DOCK11: variants seen among roughly 807,000 people sequenced by gnomAD.
The protein encoded by DOCK11 is dedicator of cytokinesis protein 11.
In DOCK11, 70 loss-of-function variants were observed where a neutral mutation model predicts 169.1. The observed-to-expected ratio is 0.41, with a 90% CI of 0.34 to 0.51. DOCK11 has a LOEUF of 0.51. DOCK11 is among the 20% of genes least tolerant of loss of function. The pLI is 0.10. For missense variants in DOCK11, 1,166 were observed against 1,538.8 expected (o/e 0.76, Z 4.05); for synonymous variants, 529 against 541.3 (o/e 0.98, Z 0.32).
intron 46 of DOCK11, among the ~76,000 whole-genome samples, chrX:118,673,518 A>G (rs2016536910): frequency 8.9e-6 from 1 of 111,855 alleles, no homozygotes; most frequent in South Asian, 3.7e-4. Flanking sequence ...TTTTCAGTGT[A>G]TCTCTATGGA....
chrX:118,656,178 C>G (rs982265722), intron 44 of DOCK11, among the ~76,000 whole-genome samples: 1 of 110,215 alleles, frequency 9.1e-6, no homozygotes, highest in African/African-American at 3.3e-5. Flanking sequence ...GTGGTTCCAG[C>G]TACGAAGGAG....
At chrX:118,601,562 A>G (rs1303853452) in intron 23 of DOCK11, among the ~76,000 whole-genome samples, 2 of 112,197 alleles carry the variant, frequency 1.8e-5, no homozygotes, top group African/African-American at 3.2e-5. Flanking sequence ...AAAAGTTTCA[A>G]TCAAGTGGAA....
At chrX:118,575,360 A>G (rs1053411921) in intron 12 of DOCK11, among the ~76,000 whole-genome samples, 16 of 112,388 alleles carry the variant, frequency 1.4e-4, no homozygotes, top group Non-Finnish European at 2.6e-4. Flanking sequence ...GGCTAACATG[A>G]CATTTCATTG....
At chrX:118,650,448 T>G (rs1325974878) in intron 41 of DOCK11, among the ~76,000 whole-genome samples, 1 of 111,990 alleles carries the variant, frequency 8.9e-6, no homozygotes, top group Non-Finnish European at 1.9e-5. Context: ...TGTCATGGTC[T>G]GTCCCATTAG....
At chrX:118,513,888 A>G (rs2057665982) in intron 1 of DOCK11, among the ~76,000 whole-genome samples, 1 of 111,377 alleles carries the variant, frequency 9.0e-6, no homozygotes, top group Non-Finnish European at 1.9e-5. Context: ...GCATCATTCC[A>G]GTTGTTACCA....
chrX:118,678,492 A>AGG, intron 48 of DOCK11, among the ~76,000 whole-genome samples: 1 of 110,144 alleles, frequency 9.1e-6, no homozygotes, highest in Non-Finnish European at 1.9e-5. Flanking sequence ...ATTTTTTTTT[A>AGG]GACAGAGTCT....
chrX:118,519,511 C>T (rs1221872564), intron 1 of DOCK11, among the ~76,000 whole-genome samples: 1 of 111,993 alleles, frequency 8.9e-6, no homozygotes, highest in Non-Finnish European at 1.9e-5. Flanking sequence ...TGCACTCCAG[C>T]CTGTGCAACA....
chrX:118,647,706 ATAATATAATATATAATAAT>A (rs2015744410), intron 40 of DOCK11, among the ~76,000 whole-genome samples: 1 of 53,760 alleles, frequency 1.9e-5, no homozygotes, highest in Non-Finnish European at 3.1e-5. Context: ...ATAATATATA[ATAATATAATATATAATAAT>A]TAATATAATA....
At chrX:118,676,153 C>T (rs1008093514) in intron 47 of DOCK11, 104 bp downstream of exon 47, 2 of 503,090 alleles carry the variant, frequency 4.0e-6, no homozygotes, top group African/African-American at 4.9e-5. Flanking sequence ...GTGCCTATTA[C>T]AACAGCAGGG....
At chrX:118,503,692 C>T (rs779629958) in intron 1 of DOCK11, among the ~76,000 whole-genome samples, 9 of 104,555 alleles carry the variant, frequency 8.6e-5, no homozygotes, top group Admixed American at 7.1e-4. Flanking sequence ...CTAGGGTTCT[C>T]GAGGGCAGAG....
chrX:118,632,969 T>TGGGGGGGGGG (rs766019635), intron 35 of DOCK11: 1 of 35,830 alleles, frequency 2.8e-5, no homozygotes, highest in Non-Finnish European at 4.5e-5. Context: ...TGGGGGGCGG[T>TGGGGGGGGGG]GGGGGGGGGG....
rs772931023 is a variant in DOCK11 at position 118,591,956 on chromosome X, A to G, written c.2140-1258A>G. Among the ~76,000 whole-genome samples the G allele has an allele frequency of 5.6e-5, 6 of 106,615 alleles. No individual in the cohort carries two copies. In the East Asian group the frequency reaches 1.8e-3, roughly 33 times the overall value. The allele number at this position is 106,615 out of a possible 115,157, so 92.6% of individuals were successfully genotyped here. On this transcript the variant is annotated intron_variant, in intron 19 of 52. Coordinates refer to ENST00000276202, the MANE Select transcript of DOCK11 (RefSeq NM_144658.4). Reference sequence around the variant, plus strand: ...CTTCATCCATGTCCCTGCAAAGGACATGAGCTCATCATTTTTTATGGATGC... The same window carrying G: ...CTTCATCCATGTCCCTGCAAAGGACGTGAGCTCATCATTTTTTATGGATGC...
intron 10 of DOCK11, among the ~76,000 whole-genome samples, chrX:118,569,057 CTT>C (rs2013180679): frequency 1.1e-5 from 1 of 88,321 alleles, no homozygotes; most frequent in Non-Finnish European, 2.3e-5. Flanking sequence ...TTCTTTCTTT[CTT>C]TCTCTCTCTC....
intron 1 of DOCK11, chrX:118,538,623 T>A: frequency 1.5e-6 from 1 of 670,253 alleles, no homozygotes; most frequent in East Asian, 1.6e-4. Flanking sequence ...CTCTCCAGAT[T>A]GCATAAATGC....
chrX:118,508,760 G>T (rs1286489318), intron 1 of DOCK11, among the ~76,000 whole-genome samples: 2 of 112,089 alleles, frequency 1.8e-5, no homozygotes, highest in African/African-American at 6.5e-5. Flanking sequence ...CCTAGTGACC[G>T]ACATGACCAC....
intron 31 of DOCK11, 74 bp downstream of exon 31, chrX:118,618,802 T>G: frequency 1.1e-6 from 1 of 891,687 alleles, no homozygotes; most frequent in Non-Finnish European, 1.5e-6. Flanking sequence ...AGATGAAGTT[T>G]TTGTAGCAAG....
chrX:118,534,600 T>G (rs777079906), intron 1 of DOCK11, among the ~76,000 whole-genome samples: 63 of 112,440 alleles, frequency 5.6e-4, no homozygotes, highest in African/African-American at 1.8e-3. Context: ...TTGTGCTGAT[T>G]CTTAGAACAT....
intron 40 of DOCK11, among the ~76,000 whole-genome samples, chrX:118,647,610 A>AT (rs2147526133): frequency 1.5e-5 from 1 of 66,204 alleles, no homozygotes; most frequent in East Asian, 4.3e-4. Context: ...ATATATAAAT[A>AT]TAATATATAA....
intron 45 of DOCK11, among the ~76,000 whole-genome samples, chrX:118,670,080 A>G (rs935671582): frequency 8.9e-6 from 1 of 112,134 alleles, no homozygotes; most frequent in African/African-American, 3.2e-5. Flanking sequence ...TTACAACTTC[A>G]ACTTATCTTT....
Sources: gnomAD v4.1 joint callset for allele counts (sites outside exome capture counted in the v4.1 genomes callset) on GRCh38, gnomAD v4.1.1 for gene constraint, MANE v1.5 for transcripts, NCBI Gene and HGNC (gene_info 2026-07-23, HGNC 2026-07-21) for gene names.